GALNT10: variants seen among roughly 807,000 people sequenced by gnomAD.
GALNT10 encodes the protein polypeptide N-acetylgalactosaminyltransferase 10, also known as GalNAc transferase 10.
A neutral mutation model predicts 75.0 loss-of-function variants in GALNT10; 41 were observed. That is an observed-to-expected ratio of 0.55 (90% CI 0.43 to 0.71). The LOEUF (loss-of-function observed/expected upper bound fraction) is 0.71. Ranked by LOEUF, GALNT10 falls within the 30% of genes least tolerant of loss-of-function variation. GALNT10 has a pLI of 0.00. For missense variants in GALNT10, 727 were observed against 818.5 expected, an observed-to-expected ratio of 0.89 and a Z score of 1.36; for synonymous variants, 302 against 313.0, an observed-to-expected ratio of 0.96 and a Z score of 0.37.
chr5:154,333,494 T>A (rs1429031734), intron 4 of GALNT10, among the ~76,000 whole-genome samples: 1 of 152,220 alleles, frequency 6.6e-6, no homozygotes, highest in Non-Finnish European at 1.5e-5. Context: ...TGACCTATAA[T>A]GGTTTGTACC....
rs765829806 is a variant in GALNT10 at position 154,329,704 on chromosome 5, C to T, written c.534C>T (p.Ala178=). 29 of 1,613,724 alleles carry T rather than the reference C, an allele frequency of 1.8e-5. No homozygotes were observed. Among genetic ancestry groups the T allele is most frequent in the South Asian group, 1.1e-4 (10 of 91,066 alleles). ...VLNRSPPELV[A]EIVLVDDFSD... ...ATCGCTCGCCTCCAGAGCTGGTCGC[C>T]GAGATTGTACTGGTCGACGACTTCA... is the stretch of plus-strand genomic sequence containing the variant. The change falls in exon 4 of 12, where the codon GCC becomes GCT. Residue 178 remains alanine (A), a synonymous_variant. Coordinates refer to ENST00000297107, the MANE Select transcript of GALNT10 (RefSeq NM_198321.4).
At chr5:154,239,350 A>G (rs1462704454) in intron 1 of GALNT10, among the ~76,000 whole-genome samples, 1 of 152,178 alleles carries the variant, frequency 6.6e-6, no homozygotes, top group Non-Finnish European at 1.5e-5. Flanking sequence ...CCCAACCCCC[A>G]GGCCACGGAC....
chr5:154,223,708 T>G lies in GALNT10; in HGVS notation c.159+32683T>G, dbSNP rs909249876. Among the ~76,000 whole-genome samples, 3 of 150,466 alleles carry G rather than the reference T, an allele frequency of 2.0e-5. No individual in the cohort carries two copies. In the South Asian group the frequency reaches 6.3e-4, roughly 32 times the overall value. On this transcript the variant is annotated intron_variant, in intron 1 of 11. Transcript: ENST00000297107. ...GCTGAGGCGGGTGGATCACCTGAGG[T>G]TAGGAATTTGACACCAGCCTGGCCA...
At chr5:154,210,195 C>G (rs777800813) in intron 1 of GALNT10, among the ~76,000 whole-genome samples, 5 of 152,102 alleles carry the variant, frequency 3.3e-5, no homozygotes, top group Admixed American at 1.3e-4. Context: ...CCCCTGGCCC[C>G]CTACCCACAC....
At chr5:154,253,578 A>G (rs1046369130) in intron 1 of GALNT10, among the ~76,000 whole-genome samples, 1 of 152,174 alleles carries the variant, frequency 6.6e-6, no homozygotes, top group Admixed American at 6.6e-5. Context: ...TTTTTAAAAA[A>G]TAACAATTTA....
At chr5:154,250,431 A>G (rs1034564326) in intron 1 of GALNT10, among the ~76,000 whole-genome samples, 8 of 152,186 alleles carry the variant, frequency 5.3e-5, no homozygotes, top group African/African-American at 1.9e-4. Context: ...GAACCCTGGC[A>G]CAAGGGGGAC....
At chr5:154,225,637 C>G (rs1753051194) in intron 1 of GALNT10, among the ~76,000 whole-genome samples, 1 of 151,980 alleles carries the variant, frequency 6.6e-6, no homozygotes, top group Non-Finnish European at 1.5e-5. Context: ...TTCCTGAGCT[C>G]AAGCGATCCT....
chr5:154,367,596 T>A (rs971722345), intron 4 of GALNT10, among the ~76,000 whole-genome samples: 1 of 152,146 alleles, frequency 6.6e-6, no homozygotes, highest in Non-Finnish European at 1.5e-5. Flanking sequence ...GGCTCACACC[T>A]GTAATCCCAG....
At position 154,420,062 on chromosome 5, in the gene GALNT10, G is replaced by C. The variant is rs987167958; in HGVS notation, c.*3090G>C. 1.3e-5 allele frequency: 2 copies of C among 152,224 alleles called. No homozygotes were observed. Among genetic ancestry groups the C allele is most frequent in the Non-Finnish European group, 2.9e-5 (2 of 68,050 alleles). The allele number at this position is 152,224 out of a possible 1,614,324, so 9.4% of individuals were successfully genotyped here. A position where few individuals can be genotyped will look rare whatever the true frequency, so the allele number is the denominator to read the frequency against. On this transcript the variant is annotated 3_prime_UTR_variant, in exon 12 of 12. Transcript: ENST00000297107. ...TGGAGGTGGCTAAACTTGCACGCAC[G>C]TGTGTGAAAAGCCATCCCATCTTCT...
At chr5:154,265,092 T>G (rs1372700643) in intron 1 of GALNT10, among the ~76,000 whole-genome samples, 3 of 152,208 alleles carry the variant, frequency 2.0e-5, no homozygotes, top group African/African-American at 7.2e-5. Context: ...GAGAGACAGA[T>G]TTCTTGATGA....
intron 4 of GALNT10, among the ~76,000 whole-genome samples, chr5:154,343,303 C>T (rs182992494): frequency 3.5e-4 from 53 of 152,296 alleles, no homozygotes; most frequent in Non-Finnish European, 2.6e-4. Flanking sequence ...ACAGTCCCCT[C>T]ATTTTTCAGT....
intron 7 of GALNT10, among the ~76,000 whole-genome samples, chr5:154,394,286 G>T (rs576171966): frequency 6.7e-6 from 1 of 150,276 alleles, no homozygotes; most frequent in South Asian, 2.1e-4. Flanking sequence ...TTACTGAAAG[G>T]CTAGCCCAGT....
Position 154,241,456 on chromosome 5 carries a change from C to T in GALNT10, c.159+50431C>T, listed in dbSNP as rs115956933. The stretch of plus-strand genomic sequence containing the variant: ...TCCAGAGATAACCATAGTTGCATTG[C>T]ATATATCTGTTCACATTTTTAGCAT... On this transcript the variant is annotated intron_variant, in intron 1 of 11. Coordinates refer to ENST00000297107, the MANE Select transcript of GALNT10 (RefSeq NM_198321.4). Among the ~76,000 whole-genome samples the T allele has an allele frequency of 6.4e-3, 970 of 152,114 alleles. 11 individuals are homozygous for T. The highest frequency in any genetic ancestry group is 0.022 in the African/African-American group (903 of 41,516).
At chr5:154,400,948 A>G (rs1756148107) in intron 7 of GALNT10, among the ~76,000 whole-genome samples, 1 of 152,156 alleles carries the variant, frequency 6.6e-6, no homozygotes, top group Admixed American at 6.5e-5. Flanking sequence ...ATCTGAGCAG[A>G]TGTCTGTCTT....
chr5:154,329,788 C>G (rs1459087713), intron 4 of GALNT10, 50 bp downstream of exon 4: 9 of 1,382,672 alleles, frequency 6.5e-6, no homozygotes, highest in Non-Finnish European at 9.2e-6. Context: ...CATCTGGCGA[C>G]TCACCAAAGG....
chr5:154,406,545 C>A (rs1273898966), intron 8 of GALNT10, among the ~76,000 whole-genome samples: 1 of 152,200 alleles, frequency 6.6e-6, no homozygotes, highest in Non-Finnish European at 1.5e-5. Context: ...GCCTGTAATC[C>A]CAGCAGTTTG....
chr5:154,315,780 A>G (rs762177082), intron 3 of GALNT10, among the ~76,000 whole-genome samples: 1 of 152,220 alleles, frequency 6.6e-6, no homozygotes, highest in Non-Finnish European at 1.5e-5. Flanking sequence ...AAGGGAAGGC[A>G]TGGGCAAGGT....
rs146710030 is a variant in GALNT10, at chr5:154,298,732, C to T, written c.401+653C>T. On this transcript the variant is annotated intron_variant, in intron 3 of 11. Transcript: ENST00000297107. This position sits in a 1 kb window ranked among gnomAD's most constrained non-coding sequence, Gnocchi z 4.1. ...GTTCAATCAAAAACTATACTCTGGA[C>T]CTTAAGTTATCCTGCCTCCCTGTAC... Among the ~76,000 whole-genome samples the T allele has an allele frequency of 3.3e-5, 5 of 152,282 alleles. No individual in the cohort carries two copies. In the East Asian group the frequency reaches 9.6e-4, roughly 29 times the overall value.
At chr5:154,274,573 A>G (rs1319290768) in intron 1 of GALNT10, among the ~76,000 whole-genome samples, 1 of 152,148 alleles carries the variant, frequency 6.6e-6, no homozygotes, top group Non-Finnish European at 1.5e-5. Flanking sequence ...AAATTCCTGG[A>G]CAAGTCAGAA....
Sources: allele counts gnomAD v4.1 joint callset (sites outside exome capture counted in the v4.1 genomes callset), GRCh38; gene constraint gnomAD v4.1.1; non-coding constraint Gnocchi (gnomAD v3.1); transcripts MANE v1.5; gene names NCBI Gene and HGNC (gene_info 2026-07-23, HGNC 2026-07-21).